LTBP1: variants seen among roughly 807,000 people sequenced by gnomAD.
The protein encoded by LTBP1 is latent-transforming growth factor beta-binding protein 1.
Under a neutral mutation model 207.6 loss-of-function variants are expected in LTBP1, and 129 were observed. The observed-to-expected ratio is 0.62, with a 90% CI of 0.54 to 0.72. LTBP1 has a LOEUF of 0.72. Ranked by LOEUF, LTBP1 falls within the 30% of genes least tolerant of loss-of-function variation. The pLI is 0.00. For synonymous variants in LTBP1, 963 were observed against 833.7 expected (o/e 1.16, Z -2.67); for missense variants, 2,281 against 2,217.2 (o/e 1.03, Z -0.58).
intron 5 of LTBP1, among the ~76,000 whole-genome samples, chr2:33,171,613 T>C (rs1438373706): frequency 7.5e-4 from 114 of 151,624 alleles, no homozygotes; most frequent in Middle Eastern, 3.4e-3. Context: ...ACTTCCCCAA[T>C]CTAGCAAGGC....
chr2:33,250,701 C>T (rs148939532), intron 10 of LTBP1, among the ~76,000 whole-genome samples: 435 of 152,218 alleles, frequency 2.9e-3, no homozygotes, highest in African/African-American at 9.5e-3. Flanking sequence ...GAATTGCTGC[C>T]GAGAGGGAGC....
chr2:33,272,492 T>A (rs1282876029), intron 15 of LTBP1, among the ~76,000 whole-genome samples: 1 of 152,242 alleles, frequency 6.6e-6, no homozygotes, highest in Non-Finnish European at 1.5e-5. Context: ...TGTTGGTTTT[T>A]AAATATATTC....
intron 8 of LTBP1, among the ~76,000 whole-genome samples, chr2:33,221,444 A>C (rs2091095193): frequency 6.6e-6 from 1 of 152,182 alleles, no homozygotes; most frequent in Admixed American, 6.5e-5. Context: ...ATCTCAGGAA[A>C]TAGGGTTTTG....
chr2:33,304,706 A>G (rs561452177), intron 22 of LTBP1, among the ~76,000 whole-genome samples: 18 of 152,180 alleles, frequency 1.2e-4, no homozygotes, highest in East Asian at 9.6e-4. Context: ...CCTTTCCCCA[A>G]TCCCTCACTA....
At chr2:33,180,645 G>T (rs1037052111) in intron 5 of LTBP1, among the ~76,000 whole-genome samples, 1 of 151,894 alleles carries the variant, frequency 6.6e-6, no homozygotes, top group Non-Finnish European at 1.5e-5. Flanking sequence ...AAGTAGAGAC[G>T]GGGGTATGCC....
intron 9 of LTBP1, among the ~76,000 whole-genome samples, chr2:33,238,807 G>A (rs570132196): frequency 3.5e-4 from 53 of 152,264 alleles, no homozygotes; most frequent in Admixed American, 7.8e-4. Context: ...AGTGAGATAC[G>A]GTGTGCTATA....
At chr2:33,348,451 G>C (rs1412251951) in intron 26 of LTBP1, among the ~76,000 whole-genome samples, 1 of 152,106 alleles carries the variant, frequency 6.6e-6, no homozygotes, top group Non-Finnish European at 1.5e-5. Flanking sequence ...GGTTATTACT[G>C]GTGGGAGGAT....
rs146774934 is a variant in LTBP1 at position 33,220,815 on chromosome 2, T to C, written c.1805-1265T>C. ...CACGCCCATATCTCCCGTCTTTTAA[T>C]TTGCCTTTCCCAGATGCCTCACTCT... On this transcript the variant is annotated intron_variant, in intron 8 of 33. Transcript: ENST00000404816. 3.6e-3 allele frequency among the ~76,000 whole-genome samples: 554 copies of C among 152,320 alleles called. 2 individuals carry two copies. Among genetic ancestry groups the C allele is most frequent in the Non-Finnish European group, 6.2e-3 (421 of 68,036 alleles).
At chr2:32,972,309 T>C (rs1399149399) in intron 2 of LTBP1, among the ~76,000 whole-genome samples, 1 of 152,074 alleles carries the variant, frequency 6.6e-6, no homozygotes, top group Non-Finnish European at 1.5e-5. Flanking sequence ...AGTTCAGCTC[T>C]GATTTTGGTT....
chr2:33,297,976 A>G (rs75278305), intron 20 of LTBP1, among the ~76,000 whole-genome samples: 5,229 of 152,196 alleles, frequency 0.034, 310 homozygotes, highest in African/African-American at 0.12. Context: ...TGTTTTTCTC[A>G]TGATTAAACT....
At chr2:33,227,798 T>C (rs1031180503) in intron 9 of LTBP1, among the ~76,000 whole-genome samples, 4 of 104,862 alleles carry the variant, frequency 3.8e-5, no homozygotes, top group African/African-American at 1.4e-4. Flanking sequence ...GATAAGAAGC[T>C]CTTTTTTTTT....
intron 24 of LTBP1, among the ~76,000 whole-genome samples, chr2:33,339,555 AAATC>A (rs751512642): frequency 1.3e-4 from 20 of 152,194 alleles, no homozygotes; most frequent in Non-Finnish European, 2.5e-4. Context: ...CTGACATTGA[AAATC>A]AATCAGAACA....
At chr2:32,959,615 A>ATTTTTTTTTTTT (rs1232142524) in intron 2 of LTBP1, among the ~76,000 whole-genome samples, 1 of 37,710 alleles carries the variant, frequency 2.7e-5, no homozygotes, top group African/African-American at 8.3e-5. Flanking sequence ...ATATATATAT[A>ATTTTTTTTTTTT]TATATATTTT....
intron 31 of LTBP1, among the ~76,000 whole-genome samples, chr2:33,374,884 G>C (rs969965054): frequency 1.3e-5 from 2 of 152,144 alleles, no homozygotes; most frequent in Non-Finnish European, 1.5e-5. Context: ...CCCGGGAGGT[G>C]GCTGTTGCAG....
intron 19 of LTBP1, among the ~76,000 whole-genome samples, chr2:33,287,987 G>A (rs940217814): frequency 6.6e-6 from 1 of 152,136 alleles, no homozygotes; most frequent in African/African-American, 2.4e-5. Context: ...TTGAGGAGTC[G>A]CTGGAGTAAT....
chr2:32,974,363 C>T (rs1168039607), intron 2 of LTBP1, among the ~76,000 whole-genome samples: 1 of 151,914 alleles, frequency 6.6e-6, no homozygotes, highest in African/African-American at 2.4e-5. Flanking sequence ...GTTCATTTGC[C>T]TGTTGGAATT....
At chr2:33,029,711 A>G (rs553022853) in intron 3 of LTBP1, among the ~76,000 whole-genome samples, 1 of 152,330 alleles carries the variant, frequency 6.6e-6, no homozygotes, top group South Asian at 2.1e-4. Context: ...TGCATCGTTT[A>G]CATGTCAGTG....
Position 33,263,347 on chromosome 2 carries a change from T to C in LTBP1, c.2572T>C (p.Ser858Pro). 6.2e-7 allele frequency: 1 copy of C among 1,614,070 alleles called. No individual in the cohort carries two copies. Among genetic ancestry groups the C allele is most frequent in the Non-Finnish European group, 8.5e-7 (1 of 1,179,976 alleles). The change falls in exon 15 of 34, where the codon TCT (serine) becomes CCT (proline). Residue 858 changes from serine to proline, a missense_variant. Transcript: ENST00000404816. ...PVPVEVAPEA[S>P]TSSASQVIAP... ...GCCTGTTGAAGTAGCTCCTGAAGCT[T>C]CTACGTCTAGTGCCAGCCAAGTGAT...
At chr2:33,349,272 A>G (rs900892090) in intron 26 of LTBP1, among the ~76,000 whole-genome samples, 3 of 152,176 alleles carry the variant, frequency 2.0e-5, no homozygotes, top group Admixed American at 6.5e-5. Context: ...CAACAAGGTG[A>G]AACCCTGTCT....
Sources: gnomAD v4.1 joint callset for allele counts (sites outside exome capture counted in the v4.1 genomes callset) on GRCh38, gnomAD v4.1.1 for gene constraint, MANE v1.5 for transcripts, NCBI Gene and HGNC (gene_info 2026-07-23, HGNC 2026-07-21) for gene names.